DIDO1: variants seen among roughly 807,000 people sequenced by gnomAD.
The protein encoded by DIDO1 is death-inducer obliterator 1.
Under a neutral mutation model 99.4 loss-of-function variants are expected in DIDO1, and 16 were observed. The observed-to-expected ratio is 0.16, with a 90% confidence interval of 0.11 to 0.24. DIDO1 has a LOEUF of 0.24. Among genes scored for constraint, DIDO1 ranks in the 10% least tolerant of loss-of-function variants. The pLI is 1.00. For synonymous variants in DIDO1, 1,366 were observed against 1,239.1 expected, an observed-to-expected ratio of 1.10 and a Z score of -2.15; for missense variants, 2,996 against 3,014.0, an observed-to-expected ratio of 0.99 and a Z score of 0.14.
At position 62,893,833 on chromosome 20, in the gene DIDO1, G is replaced by A. The variant is rs200798709; in HGVS notation, c.2934C>T (p.Ala978=). The A allele has an allele frequency of 9.7e-5, 156 of 1,614,052 alleles. No individual in the cohort carries two copies. In the African/African-American group the frequency reaches 1.2e-3, roughly 13 times the overall value. Reference sequence around the variant, plus strand: ...CTGGGCGGGATGCTGCGGAGGCCACGGCTGTGCATGAACTGCTTGGAGCGG... The same window carrying A: ...CTGGGCGGGATGCTGCGGAGGCCACAGCTGTGCATGAACTGCTTGGAGCGG... ...PRTAPSSSCT[A]VASAASRPDS... The change falls in exon 12 of 16, where the codon GCC becomes GCT. Residue 978 remains alanine, a synonymous_variant. Coordinates refer to ENST00000395343, the MANE Select transcript of DIDO1 (RefSeq NM_001193369.2).
intron 15 of DIDO1, among the ~76,000 whole-genome samples, chr20:62,883,113 G>A (rs1248501857): frequency 1.3e-5 from 2 of 151,658 alleles, no homozygotes; most frequent in African/African-American, 4.8e-5. Flanking sequence ...TAGTAGATAA[G>A]AGGTTTCACC....
At chr20:62,904,820 T>C (rs1231332005) in intron 6 of DIDO1, among the ~76,000 whole-genome samples, 6 of 139,580 alleles carry the variant, frequency 4.3e-5, no homozygotes, top group African/African-American at 1.5e-4. Context: ...GTCTTTTTTG[T>C]AAGGCACACC....
chr20:62,912,877 C>CA (rs1181848028), intron 2 of DIDO1, among the ~76,000 whole-genome samples: 2 of 152,064 alleles, frequency 1.3e-5, no homozygotes, highest in Non-Finnish European at 2.9e-5. Flanking sequence ...ATTAAAAATA[C>CA]AAAAATTAGC....
rs959375021 is a variant in DIDO1, at chr20:62,893,777, T to A, written c.2990A>T (p.Asp997Val). 3 of 1,614,050 alleles carry A rather than the reference T, an allele frequency of 1.9e-6. No individual in the cohort carries two copies. The African/African-American group carries it at 4.0e-5, about 22-fold the overall frequency. ...DSTHMVEARQDVPKPVLTSVM... is the reference protein window; with the variant it reads ...DSTHMVEARQVVPKPVLTSVM... ...AGAAGTCAAGACAGGCTTCGGCACA[T>A]CCTGTCTGGCTTCCACCATGTGGGT... Residue 997 changes from aspartate (D) to valine (V), a missense_variant, in exon 12 of 16, where the codon GAT becomes GTT. By Grantham distance (152) the Asp-to-Val change is radical (BLOSUM62 -3). Around this residue, in one of 5 missense-constraint regions of DIDO1, gnomAD observed 898 missense variants for 972.7 expected, o/e 0.92. Coordinates refer to ENST00000395343, the MANE Select transcript of DIDO1 (RefSeq NM_001193369.2).
At chr20:62,921,959 A>AAT (rs935434033) in intron 1 of DIDO1, among the ~76,000 whole-genome samples, 8 of 150,306 alleles carry the variant, frequency 5.3e-5, no homozygotes, top group African/African-American at 2.0e-4. Context: ...ATATGTCCAC[A>AAT]ATATATATAC....
In DIDO1 at chr20:62,937,389, G is replaced by A. The variant is rs542805506; in HGVS notation, c.-200+407C>T. On this transcript the variant is annotated intron_variant, in intron 1 of 15. Transcript: ENST00000266070. The stretch of plus-strand genomic sequence containing the variant: ...TGCCGGGAGGGTCTCCAGTCACCGA[G>A]TAACCCCGGCCCTGCCCCGCGCCGC... Among the ~76,000 whole-genome samples, 101 of 152,280 alleles carry A rather than the reference G, an allele frequency of 6.6e-4. 1 individual carries two copies. The Middle Eastern group carries it at 0.01, about 15-fold the overall frequency.
At chr20:62,893,456 A>G (rs1234850012) in intron 12 of DIDO1, among the ~76,000 whole-genome samples, 2 of 152,244 alleles carry the variant, frequency 1.3e-5, no homozygotes. Flanking sequence ...ACAAAACTGG[A>G]TGAGCACAAA....
chr20:62,921,587 CCCTTCTCTCA>C (rs1453990512), intron 1 of DIDO1, among the ~76,000 whole-genome samples: 1 of 151,754 alleles, frequency 6.6e-6, no homozygotes, highest in African/African-American at 2.4e-5. Flanking sequence ...TCTTTAAAAA[CCCTTCTCTCA>C]CAAGAATTTG....
intron 1 of DIDO1, among the ~76,000 whole-genome samples, chr20:62,925,333 C>G (rs752407679): frequency 6.6e-6 from 1 of 152,186 alleles, no homozygotes; most frequent in African/African-American, 2.4e-5. Flanking sequence ...CCTTAAAAGG[C>G]ACTGCTAAGG....
At position 62,896,639 on chromosome 20, in the gene DIDO1, G is replaced by C. The variant is rs2147417554; in HGVS notation, c.1946C>G (p.Ala649Gly). 1 of 1,614,016 alleles carries C rather than the reference G, an allele frequency of 6.2e-7. No homozygotes were observed. The highest frequency in any genetic ancestry group is 2.2e-5 in the East Asian group (1 of 44,868). The change falls in exon 7 of 16, where the codon GCC (alanine) becomes GGC (glycine). Residue 649 changes from alanine to glycine, a missense_variant. Ala to Gly is a moderately conservative substitution (Grantham distance 60). This residue lies in a region of DIDO1 where 898 missense variants were observed against 972.7 expected (regional missense o/e 0.92). Transcript: ENST00000395343. This position sits in a 1 kb window ranked among gnomAD's most constrained non-coding sequence, Gnocchi z 4.4. ...RKPVVPSVPM[A>G]SPAPGRLGAM... ...CCCAAGGCGTCCTGGGGCTGGCGAGGCCATTGGAACAGAAGGTACCACTGG... is the reference window on the plus strand; with the variant it reads ...CCCAAGGCGTCCTGGGGCTGGCGAGCCCATTGGAACAGAAGGTACCACTGG...
chr20:62,911,014 G>A lies in DIDO1; in HGVS notation c.599C>T (p.Thr200Ile). The part of the protein sequence containing the change: ...KKRREEGPAE[T>I]VGSEASDTVE... Reference sequence around the variant, plus strand: ...AGTGTCACTGGCCTCGGAGCCCACAGTCTCGGCGGGACCCTCCTCCCGGCG... The same window carrying A: ...AGTGTCACTGGCCTCGGAGCCCACAATCTCGGCGGGACCCTCCTCCCGGCG... The change falls in exon 3 of 16, where the codon ACT becomes ATT. Residue 200 changes from threonine (T) to isoleucine (I), a missense_variant. By Grantham distance (89) the Thr-to-Ile change is moderately conservative. Transcript: ENST00000395343. The surrounding 1 kb of genome is among the most constrained non-coding windows in gnomAD (Gnocchi z 7.0). 6.2e-7 allele frequency: 1 copy of A among 1,613,982 alleles called. No individual in the cohort carries two copies. Among genetic ancestry groups the A allele is most frequent in the Non-Finnish European group, 8.5e-7 (1 of 1,180,022 alleles).
chr20:62,931,515 A>G (rs1005730302), intron 1 of DIDO1, among the ~76,000 whole-genome samples: 2 of 152,250 alleles, frequency 1.3e-5, no homozygotes, highest in East Asian at 3.8e-4. Context: ...TTCTGACAGA[A>G]TAAGAGTAAA....
upstream of DIDO1, among the ~76,000 whole-genome samples, chr20:62,931,311 T>C (rs772608399): frequency 1.3e-5 from 2 of 152,220 alleles, no homozygotes; most frequent in South Asian, 4.1e-4. Flanking sequence ...CTCCTTCCTC[T>C]GAGAATGTTT....
At position 62,911,484 on chromosome 20, in the gene DIDO1, C is replaced by A. The variant is rs747333901; in HGVS notation, c.129G>T (p.Ala43=). 1 of 1,612,400 alleles carries A rather than the reference C, an allele frequency of 6.2e-7. No individual in the cohort carries two copies. Among genetic ancestry groups the A allele is most frequent in the East Asian group, 2.2e-5 (1 of 44,812 alleles). ...TIAKREGAGD[A]EADPLEPPPP... Reference sequence around the variant, plus strand: ...GTGGCGGCTCCAGTGGGTCAGCCTCCGCGTCCCCTGCGCCCTCTCGCTTGG... The same window carrying A: ...GTGGCGGCTCCAGTGGGTCAGCCTCAGCGTCCCCTGCGCCCTCTCGCTTGG... The change falls in exon 3 of 16, where the codon GCG becomes GCT. Residue 43 remains alanine, a synonymous_variant. Coordinates refer to ENST00000395343, the MANE Select transcript of DIDO1 (RefSeq NM_001193369.2). The surrounding 1 kb of genome is among the most constrained non-coding windows in gnomAD (Gnocchi z 7.0).
chr20:62,911,575 G>A lies in DIDO1; in HGVS notation c.38C>T (p.Pro13Leu), dbSNP rs6090161. 6.2e-7 allele frequency: 1 copy of A among 1,603,726 alleles called. No homozygotes were observed. Among genetic ancestry groups the A allele is most frequent in the Non-Finnish European group, 8.5e-7 (1 of 1,174,200 alleles). ...DKGDPSNEEA[P>L]KAIKPTSKEF... is the part of the protein sequence containing the mutation. ...TTTGCTGGTGGGTTTGATGGCCTTA[G>A]GTGCCTCCTCATTGCTCGGGTCGCC... Residue 13 changes from proline (P) to leucine (L), a missense_variant, in exon 3 of 16, where the codon CCT becomes CTT. By Grantham distance (98) the Pro-to-Leu change is moderately conservative. Around this residue, in one of 5 missense-constraint regions of DIDO1, gnomAD observed 388 missense variants for 376.6 expected, o/e 1.03. Coordinates refer to ENST00000395343, the MANE Select transcript of DIDO1 (RefSeq NM_001193369.2). This position sits in a 1 kb window ranked among gnomAD's most constrained non-coding sequence, Gnocchi z 7.0.
chr20:62,896,034 T>C lies in DIDO1; in HGVS notation c.2214+199A>G, dbSNP rs1600945917. On this transcript the variant is annotated intron_variant, in intron 8 of 15. Coordinates refer to ENST00000395343, the MANE Select transcript of DIDO1 (RefSeq NM_001193369.2). The surrounding 1 kb of genome is among the most constrained non-coding windows in gnomAD (Gnocchi z 4.4). The stretch of plus-strand genomic sequence containing the variant: ...AGCCAGGAAGCGGACGCGACCCTAG[T>C]TAAGGCAGGGAAGGGAAGGGGTTTC... Among the ~76,000 whole-genome samples the C allele has an allele frequency of 3.3e-5, 5 of 152,206 alleles. No homozygotes were observed. The highest frequency in any genetic ancestry group is 2.6e-4 in the Admixed American group (4 of 15,286).
rs573003473 is a variant in DIDO1 at position 62,894,687 on chromosome 20, G to A, written c.2436+123C>T. On this transcript the variant is annotated intron_variant, in intron 10 of 15. Transcript: ENST00000395343. The surrounding 1 kb of genome is among the most constrained non-coding windows in gnomAD (Gnocchi z 4.4). ...AGGACCATCTAATACAAGGACTGAG[G>A]AATGCCACAATGACATACACCTGCT... 17 of 1,405,442 alleles carry A rather than the reference G, an allele frequency of 1.2e-5. No individual in the cohort carries two copies. The South Asian group carries it at 2.3e-4, about 19-fold the overall frequency. The allele number at this position is 1,405,442 out of a possible 1,614,324, so 87.1% of individuals were successfully genotyped here.
In DIDO1 at chr20:62,881,874, T is replaced by A; in HGVS notation, c.4082A>T (p.Asp1361Val). ...CTGACCGAACTGCTGGACGATCGGA[T>A]CTAACAACGGAGGTGCCGGCACCCC... Reference protein sequence around the residue: ...EDGVPAPPLLDPIVQQFGQFS... With the variant: ...EDGVPAPPLLVPIVQQFGQFS... Residue 1361 changes from aspartate (D) to valine (V), a missense_variant, in exon 16 of 16, where the codon GAT (aspartate) becomes GTT (valine). By Grantham distance (152) the Asp-to-Val change is radical (BLOSUM62 -3). Around this residue, in one of 5 missense-constraint regions of DIDO1, gnomAD observed 1,562 missense variants for 1,412.6 expected, o/e 1.11. Coordinates refer to ENST00000395343, the MANE Select transcript of DIDO1 (RefSeq NM_001193369.2). The surrounding 1 kb of genome is among the most constrained non-coding windows in gnomAD (Gnocchi z 8.3). The A allele has an allele frequency of 6.2e-7, 1 of 1,613,482 alleles. No individual in the cohort carries two copies. The highest frequency in any genetic ancestry group is 8.5e-7 in the Non-Finnish European group (1 of 1,180,018).
rs746715052 is a variant in DIDO1 at position 62,895,151 on chromosome 20, A to G, written c.2229T>C (p.Arg743=). 1 of 1,608,404 alleles carries G rather than the reference A, an allele frequency of 6.2e-7. No individual in the cohort carries two copies. Among genetic ancestry groups the G allele is most frequent in the Non-Finnish European group, 8.5e-7 (1 of 1,175,182 alleles). ...KDPKNQGLFH[R]VLREEISLAK... The stretch of plus-strand genomic sequence containing the variant: ...CCAAAGAGATTTCCTCACGCAGAAC[A>G]CGATGGAAGAGTCCCTATAAACAAG... The change falls in exon 9 of 16, where the codon CGT becomes CGC. Residue 743 remains arginine, a synonymous_variant. Coordinates refer to ENST00000395343, the MANE Select transcript of DIDO1 (RefSeq NM_001193369.2).
Sources: gnomAD v4.1 joint callset for allele counts (sites outside exome capture counted in the v4.1 genomes callset) on GRCh38, gnomAD v4.1.1 for gene constraint, gnomAD v4.1.1 regional missense constraint, Gnocchi (gnomAD v3.1) non-coding constraint, MANE v1.5 for transcripts, NCBI Gene and HGNC (gene_info 2026-07-23, HGNC 2026-07-21) for gene names.